Variants in CCDC178 observed in about 807,000 individuals in gnomAD.
CCDC178 encodes coiled-coil domain-containing protein 178.
In CCDC178, 126 loss-of-function variants were observed where a neutral mutation model predicts 117.4. The ratio of observed to expected loss-of-function variants is 1.07; its 90% CI spans 0.93 to 1.24. The LOEUF (loss-of-function observed/expected upper bound fraction) is 1.24, where lower values mean the gene tolerates loss of function less well. Ranked by LOEUF, CCDC178 falls within the 50% of genes most tolerant of loss-of-function variation. The pLI, the probability that CCDC178 is intolerant of heterozygous loss-of-function variation, is 0.00. For synonymous variants in CCDC178, 283 were observed against 313.4 expected (o/e 0.90, Z 1.02); for missense variants, 1,030 against 986.9 (o/e 1.04, Z -0.59).
At chr18:33,206,792 C>A (rs896075082) in intron 20 of CCDC178, among the ~76,000 whole-genome samples, 1 of 152,202 alleles carries the variant, frequency 6.6e-6, no homozygotes, top group Non-Finnish European at 1.5e-5. Flanking sequence ...ATCTAGAACT[C>A]TCTTTTCAAT....
At chr18:32,967,744 G>C (rs2054844751) in intron 22 of CCDC178, among the ~76,000 whole-genome samples, 1 of 150,668 alleles carries the variant, frequency 6.6e-6, no homozygotes, top group Non-Finnish European at 1.5e-5. Flanking sequence ...CTAGTATTTT[G>C]AAACTGACAA....
chr18:33,323,028 TAAATAATATGCCA>T (rs1385898095), intron 11 of CCDC178: 1 of 151,408 alleles, frequency 6.6e-6, no homozygotes, highest in Non-Finnish European at 1.5e-5. Context: ...AAACTCTCAA[TAAATAATATGCCA>T]AAATAATCTA....
chr18:33,405,790 C>T (rs1438727485), intron 3 of CCDC178, among the ~76,000 whole-genome samples: 2 of 151,910 alleles, frequency 1.3e-5, no homozygotes, highest in Admixed American at 6.6e-5. Context: ...TAACTAATAT[C>T]GAAGGATGGG....
intron 21 of CCDC178, among the ~76,000 whole-genome samples, chr18:33,056,519 T>C (rs2056832434): frequency 6.6e-6 from 1 of 152,066 alleles, no homozygotes; most frequent in South Asian, 2.1e-4. Context: ...CCTCTCACAG[T>C]AAAGGGAAGT....
intron 6 of CCDC178, among the ~76,000 whole-genome samples, 196 bp from the exon 7 acceptor site, chr18:33,356,542 T>G (rs1341149259): frequency 1.3e-5 from 2 of 151,830 alleles, no homozygotes; most frequent in African/African-American, 4.8e-5. Context: ...TCCCCCCAAC[T>G]CTTGGCCAAG....
At chr18:33,140,350 T>C (rs1342707539) in intron 20 of CCDC178, among the ~76,000 whole-genome samples, 1 of 152,060 alleles carries the variant, frequency 6.6e-6, no homozygotes, top group Non-Finnish European at 1.5e-5. Flanking sequence ...CAGCTTGAAC[T>C]GTGTGCCCGG....
intron 14 of CCDC178, among the ~76,000 whole-genome samples, chr18:33,248,277 T>C (rs1266660582): frequency 2.0e-5 from 3 of 151,860 alleles, no homozygotes; most frequent in Non-Finnish European, 2.9e-5. Flanking sequence ...TTTTTTTTTA[T>C]TTTTATTTTT....
chr18:33,241,248 G>A (rs1371161725), intron 15 of CCDC178, among the ~76,000 whole-genome samples: 1 of 151,856 alleles, frequency 6.6e-6, no homozygotes, highest in Non-Finnish European at 1.5e-5. Flanking sequence ...CATACTGAGT[G>A]GGGAAAAGCT....
chr18:33,034,558 G>A (rs2056406843), intron 21 of CCDC178, among the ~76,000 whole-genome samples: 1 of 151,864 alleles, frequency 6.6e-6, no homozygotes, highest in Non-Finnish European at 1.5e-5. Flanking sequence ...CTAACTTTAT[G>A]TATGTGTGTA....
At chr18:33,374,500 G>A (rs1347321067) in intron 5 of CCDC178, among the ~76,000 whole-genome samples, 1 of 152,090 alleles carries the variant, frequency 6.6e-6, no homozygotes, top group African/African-American at 2.4e-5. Context: ...GTATCAGAGA[G>A]GATATAGAAC....
intron 20 of CCDC178, among the ~76,000 whole-genome samples, chr18:33,154,205 C>A (rs1266151136): frequency 6.6e-6 from 1 of 152,122 alleles, no homozygotes; most frequent in East Asian, 1.9e-4. Context: ...GGAGGAGGTT[C>A]TTAAAAGAAG....
chr18:33,062,898 T>A (rs571966737), intron 21 of CCDC178, among the ~76,000 whole-genome samples: 77 of 152,186 alleles, frequency 5.1e-4, no homozygotes, highest in African/African-American at 1.7e-3. Context: ...CTAGCAGAAC[T>A]CCAGCCCACA....
At chr18:32,984,469 A>G (rs1167094655) in intron 21 of CCDC178, among the ~76,000 whole-genome samples, 1 of 150,684 alleles carries the variant, frequency 6.6e-6, no homozygotes, top group Admixed American at 6.6e-5. Flanking sequence ...TGCAAAACTT[A>G]AAACCTTCTT....
At chr18:33,298,461 G>T (rs1599124612) in intron 11 of CCDC178, among the ~76,000 whole-genome samples, 1 of 152,038 alleles carries the variant, frequency 6.6e-6, no homozygotes, top group African/African-American at 2.4e-5. Flanking sequence ...AATAAATTAG[G>T]TGTAGAAAAA....
chr18:33,244,857 A>G (rs1016945629), intron 15 of CCDC178, among the ~76,000 whole-genome samples: 5 of 152,034 alleles, frequency 3.3e-5, no homozygotes, highest in Admixed American at 6.6e-5. Context: ...TCATAGGCCT[A>G]CTAGAGGTAC....
At chr18:33,185,798 A>T (rs1173699417) in intron 20 of CCDC178, among the ~76,000 whole-genome samples, 1 of 152,050 alleles carries the variant, frequency 6.6e-6, no homozygotes, top group Non-Finnish European at 1.5e-5. Flanking sequence ...GTTAAAGAAG[A>T]TGTTACATAG....
intron 21 of CCDC178, among the ~76,000 whole-genome samples, chr18:33,035,639 G>C (rs1400083770): frequency 6.6e-6 from 1 of 151,876 alleles, no homozygotes; most frequent in South Asian, 2.1e-4. Context: ...GGGAGATGCT[G>C]GTCAGAGAAT....
At chr18:33,248,709 T>C (rs549115332) in intron 14 of CCDC178, among the ~76,000 whole-genome samples, 2 of 152,174 alleles carry the variant, frequency 1.3e-5, no homozygotes, top group South Asian at 4.1e-4. Flanking sequence ...CTATTTTGAA[T>C]AGTGCCGCAA....
chr18:32,963,459 T>C (rs998543630), intron 22 of CCDC178, among the ~76,000 whole-genome samples: 1 of 152,064 alleles, frequency 6.6e-6, no homozygotes, highest in East Asian at 1.9e-4. Context: ...TATTTAATCA[T>C]GTAATTATTA....
Sources: allele counts gnomAD v4.1 joint callset (sites outside exome capture counted in the v4.1 genomes callset), GRCh38; gene constraint gnomAD v4.1.1; transcripts MANE v1.5; gene names NCBI Gene and HGNC (gene_info 2026-07-23, HGNC 2026-07-21).